ATP1A4: variants seen among roughly 807,000 people sequenced by gnomAD.
ATP1A4 encodes sodium/potassium-transporting ATPase subunit alpha-4.
Under a neutral mutation model 114.3 loss-of-function variants are expected in ATP1A4, and 90 were observed. The ratio of observed to expected loss-of-function variants is 0.79; its 90% confidence interval spans 0.66 to 0.94. The LOEUF (loss-of-function observed/expected upper bound fraction) is 0.94. ATP1A4 is among the 40% of genes least tolerant of loss of function. ATP1A4 has a pLI of 0.00. For missense variants in ATP1A4, 1,222 were observed against 1,313.6 expected (o/e 0.93, Z 1.08); for synonymous variants, 511 against 494.1 (o/e 1.03, Z -0.45).
chr1:160,158,373 A>G (rs1279994311), intron 4 of ATP1A4, among the ~76,000 whole-genome samples: 2 of 152,036 alleles, frequency 1.3e-5, no homozygotes, highest in East Asian at 3.9e-4. Context: ...CCAGCATGAA[A>G]GCACTTTTTT....
chr1:160,186,106 A>G (rs947884910), intron 20 of ATP1A4, among the ~76,000 whole-genome samples, 170 bp from the exon 21 acceptor site: 1 of 149,756 alleles, frequency 6.7e-6, no homozygotes, highest in Non-Finnish European at 1.5e-5. Flanking sequence ...AAAAAAAAAA[A>G]AAGGGATCAA....
chr1:160,165,264 TACATTATA>T (rs1483851929), intron 7 of ATP1A4, among the ~76,000 whole-genome samples: 1 of 152,208 alleles, frequency 6.6e-6, no homozygotes, highest in African/African-American at 2.4e-5. Flanking sequence ...ATTATGTAAA[TACATTATA>T]ACCCCTAATC....
At chr1:160,176,398 A>G in intron 16 of ATP1A4, 81 bp from the exon 17 acceptor site, 2 of 1,604,970 alleles carry the variant, frequency 1.2e-6, no homozygotes, top group South Asian at 1.1e-5. Context: ...CTGCGTCAAG[A>G]CAGAATGGTA....
chr1:160,151,917 A>G lies in ATP1A4; in HGVS notation c.-124A>G, dbSNP rs1652466454. Reference sequence around the variant, plus strand: ...CCTGCCTCTTTCTTTCTGCTCCCTCATTCTCTCCCCACCACTCTCTTCTCG... The same window carrying G: ...CCTGCCTCTTTCTTTCTGCTCCCTCGTTCTCTCCCCACCACTCTCTTCTCG... On this transcript the variant is annotated 5_prime_UTR_variant, in exon 1 of 22. Transcript: ENST00000368081. 2 of 1,130,110 alleles carry G rather than the reference A, an allele frequency of 1.8e-6. No homozygotes were observed. Among genetic ancestry groups the G allele is most frequent in the African/African-American group, 1.6e-5 (1 of 62,936 alleles). 70.0% of individuals were successfully genotyped at this position (1,130,110 alleles called of 1,614,324 possible). A position where few individuals can be genotyped will look rare whatever the true frequency, so the allele number is the denominator to read the frequency against.
In ATP1A4 at chr1:160,159,503, T is replaced by C. The variant is rs759174258; in HGVS notation, c.755T>C (p.Phe252Ser). The C allele has an allele frequency of 5.6e-6, 9 of 1,613,566 alleles. No homozygotes were observed. The East Asian group carries it at 2.0e-4, about 36-fold the overall frequency. ...ENPLETRNIC[F>S]FSTNCVEGTA... ...CCTCTGGAGACCCGAAACATCTGCT[T>C]CTTTTCCACCAACTGTGTGGAAGGT... The change falls in exon 6 of 22, where the codon TTC (phenylalanine) becomes TCC (serine). Residue 252 changes from phenylalanine (F) to serine (S), a missense_variant. Coordinates refer to ENST00000368081, the MANE Select transcript of ATP1A4 (RefSeq NM_144699.4).
Position 160,174,192 on chromosome 1 carries a change from C to A in ATP1A4, c.2073C>A (p.His691Gln), listed in dbSNP as rs749325908. ...SKQLDQILQNHPEIVFARTSP... is the reference protein window; with the variant it reads ...SKQLDQILQNQPEIVFARTSP... ...AGCTTGATCAGATCCTCCAGAACCA[C>A]CCTGAGATCGTGTTTGCTCGGACCT... Residue 691 changes from histidine to glutamine, a missense_variant, in exon 14 of 22, where the codon CAC becomes CAA. Physicochemically the swap from His to Gln is conservative, Grantham distance 24 (BLOSUM62 0). Transcript: ENST00000368081. The A allele has an allele frequency of 6.2e-7, 1 of 1,614,136 alleles. No homozygotes were observed. Among genetic ancestry groups the A allele is most frequent in the African/African-American group, 1.3e-5 (1 of 75,014 alleles).
chr1:160,160,339 C>T (rs1558018549), intron 6 of ATP1A4, among the ~76,000 whole-genome samples: 1 of 152,058 alleles, frequency 6.6e-6, no homozygotes, highest in Non-Finnish European at 1.5e-5. Flanking sequence ...GCCTCAGCCT[C>T]CCGAGTAGCT....
chr1:160,183,932 T>C (rs1653792922), intron 20 of ATP1A4, among the ~76,000 whole-genome samples: 1 of 150,198 alleles, frequency 6.7e-6, no homozygotes, highest in Non-Finnish European at 1.5e-5. Flanking sequence ...AAGAAGAATG[T>C]AAAATATCTT....
At chr1:160,169,748 G>A (rs1653174254) in intron 10 of ATP1A4, 1 of 152,134 alleles carries the variant, frequency 6.6e-6, no homozygotes, top group African/African-American at 2.4e-5. Context: ...CAGAGATCAA[G>A]AGGAAATGCA....
rs377325795 is a variant in ATP1A4, at chr1:160,156,165, T to C, written c.525+7T>C. 87 of 1,580,128 alleles carry C rather than the reference T, an allele frequency of 5.5e-5. No individual in the cohort carries two copies. In the African/African-American group the frequency reaches 1.0e-3, roughly 18 times the overall value. On this transcript the variant is annotated splice_region_variant and intron_variant, in intron 4 of 21. Transcript: ENST00000368081. ...TAAGAACATGGTGCCTCAGGTAGGA[T>C]TGGAGTGGGAGGATCTAGTGGGAGC...
At chr1:160,160,269 T>A (rs1412519514) in intron 6 of ATP1A4, among the ~76,000 whole-genome samples, 1 of 152,226 alleles carries the variant, frequency 6.6e-6, no homozygotes, top group Non-Finnish European at 1.5e-5. Flanking sequence ...CAGGCTGGAA[T>A]GCAGTGGTGT....
chr1:160,173,239 TAC>T (rs1653330697), intron 12 of ATP1A4, among the ~76,000 whole-genome samples: 1 of 152,266 alleles, frequency 6.6e-6, no homozygotes, highest in Non-Finnish European at 1.5e-5. Context: ...ATTCCTTTAT[TAC>T]CACTTGTTCT....
chr1:160,178,142 A>C (rs1293594567), intron 18 of ATP1A4, among the ~76,000 whole-genome samples: 14 of 149,322 alleles, frequency 9.4e-5, no homozygotes. Flanking sequence ...GGATCACTTG[A>C]GGTTGGGAGT....
At chr1:160,172,440 A>G (rs1326615349) in intron 12 of ATP1A4, among the ~76,000 whole-genome samples, 2 of 152,176 alleles carry the variant, frequency 1.3e-5, no homozygotes, top group African/African-American at 4.8e-5. Flanking sequence ...CTGGAAACCA[A>G]AAATCGGTCA....
At position 160,186,722 on chromosome 1, in the gene ATP1A4, T is replaced by C. The variant is rs1404194386; in HGVS notation, c.*23T>C. The C allele has an allele frequency of 9.9e-6, 16 of 1,608,276 alleles. No homozygotes were observed. The highest frequency in any genetic ancestry group is 2.2e-5 in the South Asian group (2 of 89,666). ...TAAACTCAGCAGATGAAGAGCTTCA[T>C]GTGACACAGGGGTGTTGTGAGAGCT... On this transcript the variant is annotated 3_prime_UTR_variant, in exon 22 of 22. Transcript: ENST00000368081.
intron 16 of ATP1A4, 108 bp downstream of exon 16, chr1:160,176,354 C>T (rs1468353468): frequency 2.4e-5 from 38 of 1,581,428 alleles, no homozygotes; most frequent in Non-Finnish European, 3.2e-5. Flanking sequence ...CACTTATGAT[C>T]CAGCTCTCGC....
At chr1:160,184,204 G>A (rs1230408736) in intron 20 of ATP1A4, among the ~76,000 whole-genome samples, 3 of 152,072 alleles carry the variant, frequency 2.0e-5, no homozygotes, top group East Asian at 1.9e-4. Context: ...GCCTGCCTCT[G>A]CCTCCCAAAG....
chr1:160,176,220 C>G lies in ATP1A4; in HGVS notation c.2440C>G (p.Leu814Val). The change falls in exon 16 of 22, where the codon CTC (leucine) becomes GTC (valine). Residue 814 changes from leucine (L) to valine (V), a missense_variant. Coordinates refer to ENST00000368081, the MANE Select transcript of ATP1A4 (RefSeq NM_144699.4). ...CCTGCCTCTGGGAACCATAACCATC[C>G]TCTGCATTGATCTCGGCACTGACAT... ...IPLPLGTITI[L>V]CIDLGTDMVP... 6.2e-7 allele frequency: 1 copy of G among 1,614,124 alleles called. No homozygotes were observed. The highest frequency in any genetic ancestry group is 1.3e-5 in the African/African-American group (1 of 75,022).
At chr1:160,163,496 A>G (rs1652927869) in intron 6 of ATP1A4, among the ~76,000 whole-genome samples, 1 of 152,128 alleles carries the variant, frequency 6.6e-6, no homozygotes, top group South Asian at 2.1e-4. Context: ...CACCTTACTT[A>G]GGTTTACCCA....
Sources: allele counts gnomAD v4.1 joint callset (sites outside exome capture counted in the v4.1 genomes callset), GRCh38; gene constraint gnomAD v4.1.1; transcripts MANE v1.5; gene names NCBI Gene and HGNC (gene_info 2026-07-23, HGNC 2026-07-21).